Variants in TPM4 observed in about 807,000 individuals in gnomAD.
The protein encoded by TPM4 is tropomyosin 4.
Under a neutral mutation model 35.8 loss-of-function variants are expected in TPM4, and 17 were observed. The ratio of observed to expected loss-of-function variants is 0.47; its 90% CI spans 0.32 to 0.71. The LOEUF is 0.71. Ranked by LOEUF, TPM4 falls within the 30% of genes least tolerant of loss-of-function variation. The pLI is 0.03. For synonymous variants in TPM4, 120 were observed against 122.9 expected, an observed-to-expected ratio of 0.98 and a Z score of 0.15; for missense variants, 240 against 320.9, an observed-to-expected ratio of 0.75 and a Z score of 1.93.
At chr19:16,094,800 G>A (rs1413649662) in intron 7 of TPM4, among the ~76,000 whole-genome samples, 1 of 152,140 alleles carries the variant, frequency 6.6e-6, no homozygotes, top group Non-Finnish European at 1.5e-5. Context: ...CCAGAATCTT[G>A]GGGTTCAAAT....
rs866127761 is a variant in TPM4 at position 16,102,751 on chromosome 19, C to G, written c.*1405C>G. 116 of 230,466 alleles carry G rather than the reference C, an allele frequency of 5.0e-4. No homozygotes were observed. The highest frequency in any genetic ancestry group is 1.3e-3 in the Middle Eastern group (1 of 794). The allele number at this position is 230,466 out of a possible 1,614,324, so 14.3% of individuals were successfully genotyped here. On this transcript the variant is annotated 3_prime_UTR_variant, in exon 8 of 8. Coordinates refer to ENST00000643579, the MANE Select transcript of TPM4 (RefSeq NM_003290.3). ...CTCAGAGCTAGAACATTCCACATTC[C>G]CCAGCAGCGTGTGGGGGCTGACTAA...
intron 7 of TPM4, among the ~76,000 whole-genome samples, chr19:16,094,281 C>T (rs2144956518): frequency 6.6e-6 from 1 of 152,252 alleles, no homozygotes; most frequent in East Asian, 1.9e-4. Context: ...AGCCTGTAAT[C>T]CTAGCACTTT....
intron 1 of TPM4, among the ~76,000 whole-genome samples, chr19:16,078,319 G>A (rs967724814): frequency 5.7e-4 from 87 of 152,150 alleles, no homozygotes; most frequent in African/African-American, 1.9e-3. Flanking sequence ...GGGGGTGTGC[G>A]GATAGAGGTT....
In TPM4 at chr19:16,079,342, G is replaced by A. The variant is rs142139911; in HGVS notation, c.133-2571G>A. ...GGGTTATGAAAATGTCCTGGAATTC[G>A]ATAATGGTGTTGGTTGCAGAGTGTT... On this transcript the variant is annotated intron_variant, in intron 1 of 7. Transcript: ENST00000643579. Among the ~76,000 whole-genome samples, 732 of 152,286 alleles carry A rather than the reference G, an allele frequency of 4.8e-3. 5 individuals are homozygous for A. The highest frequency in any genetic ancestry group is 0.017 in the African/African-American group (708 of 41,554).
chr19:16,070,428 C>T lies in TPM4; in HGVS notation c.114+2690C>T, dbSNP rs537433036. On this transcript the variant is annotated intron_variant, in intron 2 of 2. Coordinates refer to the TPM4 transcript ENST00000589897. The surrounding 1 kb of genome is among the most constrained non-coding windows in gnomAD (Gnocchi z 7.4). ...AAGCCCTGGGGAGCATCCAGGTCTC[C>T]GATAAACCCTGGGAGATGCCTAGGA... Among the ~76,000 whole-genome samples, 6 of 152,262 alleles carry T rather than the reference C, an allele frequency of 3.9e-5. No individual in the cohort carries two copies. The highest frequency in any genetic ancestry group is 1.9e-4 in the East Asian group (1 of 5,184).
chr19:16,091,179 A>G (rs545834177), intron 5 of TPM4, among the ~76,000 whole-genome samples: 76 of 152,012 alleles, frequency 5.0e-4, no homozygotes, highest in African/African-American at 1.7e-3. Context: ...CAGCCTCCTG[A>G]GTAACTGGGA....
chr19:16,067,687 C>T lies in TPM4; in HGVS notation c.63C>T (p.Arg21=), dbSNP rs565318423. The change falls in exon 2 of 3, where the codon CGC becomes CGT. Residue 21 remains arginine, a synonymous_variant. Coordinates refer to the TPM4 transcript ENST00000589897. The surrounding 1 kb of genome is among the most constrained non-coding windows in gnomAD (Gnocchi z 4.1). ...TGGACAAGGAGAATGCCATCGACCG[C>T]GCGGAGCAGGCGGAGGCGGATAAGA... 7 of 1,613,642 alleles carry T rather than the reference C, an allele frequency of 4.3e-6. No homozygotes were observed. In the African/African-American group the frequency reaches 8.0e-5, roughly 18 times the overall value.
rs2090345687 is a variant in TPM4 at position 16,070,479 on chromosome 19, CCCAGGCCAGGAG to C, written c.114+2751_114+2762del. 6.6e-6 allele frequency among the ~76,000 whole-genome samples: 1 copy of C among 152,096 alleles called. No individual in the cohort carries two copies. The highest frequency in any genetic ancestry group is 2.1e-4 in the South Asian group (1 of 4,832). On this transcript the variant is annotated intron_variant, in intron 2 of 2. Coordinates refer to the TPM4 transcript ENST00000589897. The surrounding 1 kb of genome is among the most constrained non-coding windows in gnomAD (Gnocchi z 7.4). ...CCATGGCACCGAGTGCCCAGCCCCACCCAGGCCAGGAGCCAGGCCAGCCCGGCAGCTAAAGGC... is the reference window on the plus strand; with the variant it reads ...CCATGGCACCGAGTGCCCAGCCCCACCCAGGCCAGCCCGGCAGCTAAAGGC...
upstream of TPM4, among the ~76,000 whole-genome samples, chr19:16,071,968 C>T (rs185349176): frequency 2.9e-4 from 44 of 152,320 alleles, no homozygotes; most frequent in East Asian, 7.9e-3. Flanking sequence ...ATGACGGGCA[C>T]GCGCCACCAG....
upstream of TPM4, chr19:16,076,418 G>T (rs1055456680): frequency 3.5e-5 from 48 of 1,355,486 alleles, no homozygotes; most frequent in Non-Finnish European, 4.4e-5. Flanking sequence ...TCGCCCCGAC[G>T]GCAGCCGGCC....
chr19:16,081,986 G>A lies in TPM4; in HGVS notation c.206G>A (p.Arg69Gln), dbSNP rs763151920. 14 of 1,611,410 alleles carry A rather than the reference G, an allele frequency of 8.7e-6. 1 individual carries two copies. The South Asian group carries it at 1.1e-4, about 13-fold the overall frequency. Residue 69 changes from arginine to glutamine, a missense_variant, in exon 2 of 8, where the codon CGA (arginine) becomes CAA (glutamine). Transcript: ENST00000643579. ...VEEELDRAQE[R>Q]LATALQKLEE... Reference sequence around the variant, plus strand: ...GAGGAGTTGGACAGGGCTCAGGAACGACTGGCCACGGCCCTGCAGAAGCTG... The same window carrying A: ...GAGGAGTTGGACAGGGCTCAGGAACAACTGGCCACGGCCCTGCAGAAGCTG...
At chr19:16,084,386 G>C (rs1484755031) in intron 2 of TPM4, among the ~76,000 whole-genome samples, 3 of 152,216 alleles carry the variant, frequency 2.0e-5, no homozygotes, top group Admixed American at 1.3e-4. Context: ...TGAATCAAGG[G>C]AGAGAGTGGC....
At chr19:16,086,211 A>C (rs1021273362) in intron 2 of TPM4, among the ~76,000 whole-genome samples, 1 of 151,926 alleles carries the variant, frequency 6.6e-6, no homozygotes, top group African/African-American at 2.4e-5. Context: ...TTAGCCAGAC[A>C]TGGTGACGGG....
upstream of TPM4, among the ~76,000 whole-genome samples, chr19:16,071,777 T>C (rs879535139): frequency 2.6e-5 from 4 of 152,144 alleles, no homozygotes; most frequent in African/African-American, 9.7e-5. Context: ...TTACCCAGTG[T>C]GGGAAAAGGA....
chr19:16,099,287 G>T (rs984153420), intron 7 of TPM4, among the ~76,000 whole-genome samples: 2 of 151,466 alleles, frequency 1.3e-5, no homozygotes, highest in African/African-American at 4.8e-5. Flanking sequence ...TCGCCATGTT[G>T]GCCAGGCTGG....
chr19:16,096,883 A>G (rs2090704151), intron 7 of TPM4, among the ~76,000 whole-genome samples: 1 of 149,954 alleles, frequency 6.7e-6, no homozygotes, highest in Admixed American at 6.7e-5. Context: ...CCTGTGGGTA[A>G]TAAAAGGTCA....
chr19:16,068,217 G>T lies in TPM4; in HGVS notation c.114+479G>T, dbSNP rs574689191. 3.3e-5 allele frequency among the ~76,000 whole-genome samples: 5 copies of T among 150,522 alleles called. No homozygotes were observed. The South Asian group carries it at 1.1e-3, about 32-fold the overall frequency. ...GTTTGAGACAGAGTCTCGCTCTGTG[G>T]CCCAGGCTGGAGTGCAGTGGCCCAA... On this transcript the variant is annotated intron_variant, in intron 2 of 2. Transcript: ENST00000589897.
At chr19:16,097,063 C>A (rs867543943) in intron 7 of TPM4, among the ~76,000 whole-genome samples, 1 of 144,166 alleles carries the variant, frequency 6.9e-6, no homozygotes, top group South Asian at 2.2e-4. Context: ...AAGTGATTCT[C>A]ATGCCTCAGC....
At chr19:16,093,904 C>G in intron 7 of TPM4, 151 bp downstream of exon 7, 1 of 711,720 alleles carries the variant, frequency 1.4e-6, no homozygotes, top group Non-Finnish European at 2.4e-6. Flanking sequence ...TCTGGATGTC[C>G]TGGAACACTG....
Sources: allele counts gnomAD v4.1 joint callset (sites outside exome capture counted in the v4.1 genomes callset), GRCh38; gene constraint gnomAD v4.1.1; non-coding constraint Gnocchi (gnomAD v3.1); transcripts MANE v1.5; gene names NCBI Gene and HGNC (gene_info 2026-07-23, HGNC 2026-07-21).